The following DSE variants were observed in gnomAD, a reference collection of about 807,000 sequenced individuals.
DSE encodes dermatan sulfate epimerase, also known as dermatan-sulfate epimerase.
DSE carries 36 observed loss-of-function variants against 84.4 expected under a neutral mutation model. That is an observed-to-expected ratio of 0.43 (90% CI 0.33 to 0.56). The LOEUF is 0.56. DSE is among the 20% of genes least tolerant of loss of function. The pLI is 0.06. For missense variants in DSE, 862 were observed against 1,169.6 expected, an observed-to-expected ratio of 0.74 and a Z score of 3.84; for synonymous variants, 410 against 430.1, an observed-to-expected ratio of 0.95 and a Z score of 0.58.
intron 2 of DSE, among the ~76,000 whole-genome samples, chr6:116,280,975 C>G (rs1292020015): frequency 1.3e-5 from 2 of 152,166 alleles, no homozygotes; most frequent in Admixed American, 1.3e-4. Flanking sequence ...AAAGATGTAC[C>G]TGTCTTAGTT....
intron 2 of DSE, among the ~76,000 whole-genome samples, chr6:116,408,592 A>C (rs1244399379): frequency 6.6e-6 from 1 of 152,176 alleles, no homozygotes; most frequent in Non-Finnish European, 1.5e-5. Context: ...ATCTGGTCTC[A>C]CTTTCACTCT....
At chr6:116,324,241 C>T (rs180877719) in intron 2 of DSE, among the ~76,000 whole-genome samples, 216 of 152,354 alleles carry the variant, frequency 1.4e-3, no homozygotes, top group Middle Eastern at 0.01. Context: ...ACTTCATCAG[C>T]TTGCCATTGG....
intron 2 of DSE, among the ~76,000 whole-genome samples, chr6:116,302,230 G>A (rs1382699358): frequency 6.6e-6 from 1 of 152,160 alleles, no homozygotes; most frequent in Non-Finnish European, 1.5e-5. Context: ...CACAATGGTA[G>A]AACTAATTTA....
At chr6:116,386,288 T>C (rs1054292447) in intron 1 of DSE, among the ~76,000 whole-genome samples, 1 of 152,200 alleles carries the variant, frequency 6.6e-6, no homozygotes, top group Non-Finnish European at 1.5e-5. Flanking sequence ...GGAACTTAGA[T>C]GATTTAACTA....
chr6:116,420,072 T>G (rs1349829789), intron 2 of DSE, among the ~76,000 whole-genome samples: 2 of 152,250 alleles, frequency 1.3e-5, no homozygotes, highest in Non-Finnish European at 2.9e-5. Flanking sequence ...GAAATAGGAT[T>G]AATTATAAAG....
chr6:116,316,874 A>G (rs1388398772), intron 2 of DSE, among the ~76,000 whole-genome samples: 1 of 139,462 alleles, frequency 7.2e-6, no homozygotes, highest in African/African-American at 3.0e-5. Context: ...ACTACTTTTA[A>G]TGTGCTGTGC....
intron 2 of DSE, among the ~76,000 whole-genome samples, chr6:116,317,621 G>T (rs1776062204): frequency 6.6e-6 from 1 of 152,140 alleles, no homozygotes; most frequent in African/African-American, 2.4e-5. Context: ...TGTGTGTGTT[G>T]TTTGTATCAT....
At chr6:116,266,820 C>T (rs1772648186) in intron 2 of DSE, among the ~76,000 whole-genome samples, 1 of 152,108 alleles carries the variant, frequency 6.6e-6, no homozygotes, top group South Asian at 2.1e-4. Context: ...GAAATAAATC[C>T]TTGTAAAAAT....
chr6:116,410,340 G>A (rs540768120), intron 2 of DSE, among the ~76,000 whole-genome samples: 29 of 152,194 alleles, frequency 1.9e-4, no homozygotes, highest in Non-Finnish European at 3.5e-4. Context: ...GTGCCTACAG[G>A]CGTCATGTCC....
At position 116,436,674 on chromosome 6, in the gene DSE, A is replaced by G; in HGVS notation, c.2206A>G (p.Lys736Glu). 1 of 1,614,180 alleles carries G rather than the reference A, an allele frequency of 6.2e-7. No homozygotes were observed. The highest frequency in any genetic ancestry group is 8.5e-7 in the Non-Finnish European group (1 of 1,180,026). The change falls in exon 6 of 6, where the codon AAG becomes GAG. Residue 736 changes from lysine (K) to glutamate (E), a missense_variant. Lys to Glu is a moderately conservative substitution (Grantham distance 56). Transcript: ENST00000644252. ...AIKSSIVPEV[K>E]DYAAIVEQNL... ...CAAGAGCAGCATTGTCCCTGAGGTG[A>G]AGGACTATGCTGCTATTGTGGAACA...
At chr6:116,300,395 C>A (rs191529786) in intron 2 of DSE, among the ~76,000 whole-genome samples, 4 of 152,130 alleles carry the variant, frequency 2.6e-5, no homozygotes, top group African/African-American at 4.8e-5. Flanking sequence ...AGAAAAGCCT[C>A]GCTTCAAATG....
chr6:116,337,537 A>G (rs1211278056), intron 2 of DSE, among the ~76,000 whole-genome samples: 2 of 151,914 alleles, frequency 1.3e-5, no homozygotes, highest in East Asian at 1.9e-4. Flanking sequence ...TTTTTAATCC[A>G]GGAGGCAGAG....
intron 3 of DSE, among the ~76,000 whole-genome samples, chr6:116,428,509 G>A (rs1783597842): frequency 6.6e-6 from 1 of 152,146 alleles, no homozygotes; most frequent in Non-Finnish European, 1.5e-5. Flanking sequence ...ATCAAAATAT[G>A]TCATTTTGCC....
At chr6:116,357,198 G>A (rs1778624397) in intron 2 of DSE, among the ~76,000 whole-genome samples, 1 of 152,092 alleles carries the variant, frequency 6.6e-6, no homozygotes, top group African/African-American at 2.4e-5. Context: ...AAGTGTTGAT[G>A]GGTGGTGAGC....
chr6:116,261,644 G>C (rs1399991338), intron 2 of DSE, among the ~76,000 whole-genome samples: 1 of 152,186 alleles, frequency 6.6e-6, no homozygotes, highest in African/African-American at 2.4e-5. Flanking sequence ...TGTTGAATAG[G>C]AGTGGAAAGA....
intron 2 of DSE, among the ~76,000 whole-genome samples, chr6:116,312,135 AT>A (rs144900908): frequency 6.5e-4 from 99 of 152,290 alleles, no homozygotes; most frequent in African/African-American, 2.2e-3. Flanking sequence ...CCAAGCTATG[AT>A]TTTGCAAAAG....
At position 116,437,061 on chromosome 6, in the gene DSE, G is replaced by A. The variant is rs1357117622; in HGVS notation, c.2593G>A (p.Val865Ile). 6.2e-7 allele frequency: 1 copy of A among 1,614,068 alleles called. No homozygotes were observed. Among genetic ancestry groups the A allele is most frequent in the East Asian group, 2.2e-5 (1 of 44,882 alleles). The change falls in exon 6 of 6, where the codon GTA becomes ATA. Residue 865 changes from valine (V) to isoleucine (I), a missense_variant. Val to Ile is a conservative substitution (Grantham distance 29). Around this residue, in one of 4 missense-constraint regions of DSE, gnomAD observed 315 missense variants for 348.1 expected, o/e 0.90. Transcript: ENST00000644252. ...EMKDLLDFAD[V>I]TYEKHKNGGL... The stretch of plus-strand genomic sequence containing the variant: ...GAAAGACCTTTTAGATTTTGCAGAT[G>A]TAACATACGAGAAACATAAAAATGG...
Position 116,444,246 on chromosome 6 carries a change from G to A in DSE, c.*6901G>A, listed in dbSNP as rs1583247161. The A allele has an allele frequency of 1.3e-5, 2 of 152,274 alleles. No homozygotes were observed. Among genetic ancestry groups the A allele is most frequent in the African/African-American group, 4.8e-5 (2 of 41,562 alleles). The allele number at this position is 152,274 out of a possible 1,614,324, so 9.4% of individuals were successfully genotyped here. A position where few individuals can be genotyped will look rare whatever the true frequency, so the allele number is the denominator to read the frequency against. On this transcript the variant is annotated 3_prime_UTR_variant, in exon 6 of 6. Coordinates refer to ENST00000644252, the MANE Select transcript of DSE (RefSeq NM_013352.4). Reference sequence around the variant, plus strand: ...TTTTATCACAGTTGAAATATCAATTGCAATAACAACTGAAAACTGATTGCT... The same window carrying A: ...TTTTATCACAGTTGAAATATCAATTACAATAACAACTGAAAACTGATTGCT...
intron 1 of DSE, among the ~76,000 whole-genome samples, chr6:116,388,440 C>G (rs1780694796): frequency 6.6e-6 from 1 of 152,154 alleles, no homozygotes; most frequent in East Asian, 1.9e-4. Flanking sequence ...GATGTTTGAC[C>G]AAATACTTGT....
Sources: gnomAD v4.1 joint callset for allele counts (sites outside exome capture counted in the v4.1 genomes callset) on GRCh38, gnomAD v4.1.1 for gene constraint, gnomAD v4.1.1 regional missense constraint, MANE v1.5 for transcripts, NCBI Gene and HGNC (gene_info 2026-07-23, HGNC 2026-07-21) for gene names.